Variants in ATF6 observed in about 807,000 individuals in gnomAD.
ATF6 encodes activating transcription factor 6.
ATF6 carries 53 observed loss-of-function variants against 83.6 expected under a neutral mutation model. That is an observed-to-expected ratio of 0.63 (90% CI 0.51 to 0.80). The LOEUF is 0.80. ATF6 is among the 30% of genes least tolerant of loss of function. The probability of loss-of-function intolerance (pLI) is 0.00; values close to 1 mark genes in which losing one functional copy is unlikely to be tolerated. For missense variants in ATF6, 744 were observed against 797.9 expected (o/e 0.93, Z 0.81); for synonymous variants, 288 against 285.8 (o/e 1.01, Z -0.08).
In ATF6 at chr1:161,859,195, T is replaced by A. The variant is rs529501254; in HGVS notation, c.1534-1012T>A. Among the ~76,000 whole-genome samples, 9 of 152,332 alleles carry A rather than the reference T, an allele frequency of 5.9e-5. No homozygotes were observed. The South Asian group carries it at 1.9e-3, about 32-fold the overall frequency. On this transcript the variant is annotated intron_variant, in intron 12 of 15. Coordinates refer to ENST00000367942, the MANE Select transcript of ATF6 (RefSeq NM_007348.4). ...ATATACAAGACCCACATTAGATTTT[T>A]ATAAAATGAGATCCTTGACTTGTTA...
chr1:161,833,508 A>G (rs1686128081), intron 9 of ATF6, among the ~76,000 whole-genome samples: 1 of 152,198 alleles, frequency 6.6e-6, no homozygotes, highest in African/African-American at 2.4e-5. Context: ...AAACTTTGAA[A>G]AAAAAATTAG....
At chr1:161,770,063 A>C (rs1183436334) in intron 1 of ATF6, among the ~76,000 whole-genome samples, 3 of 152,090 alleles carry the variant, frequency 2.0e-5, no homozygotes, top group Admixed American at 1.3e-4. Flanking sequence ...CCTATGCTCT[A>C]CCTATTTTTT....
At chr1:161,804,824 ATTAG>A (rs1412746685) in intron 7 of ATF6, among the ~76,000 whole-genome samples, 1 of 152,036 alleles carries the variant, frequency 6.6e-6, no homozygotes. Flanking sequence ...GACATCCTTT[ATTAG>A]TTCTCTGGTG....
chr1:161,783,783 C>T (rs1684687356), intron 3 of ATF6, among the ~76,000 whole-genome samples: 1 of 151,712 alleles, frequency 6.6e-6, no homozygotes, highest in Non-Finnish European at 1.5e-5. Flanking sequence ...TATACCCCCT[C>T]CCCACATATA....
Position 161,855,399 on chromosome 1 carries a change from A to C in ATF6, c.1533+2076A>C, listed in dbSNP as rs867208486. On this transcript the variant is annotated intron_variant, in intron 12 of 15. Coordinates refer to ENST00000367942, the MANE Select transcript of ATF6 (RefSeq NM_007348.4). The stretch of plus-strand genomic sequence containing the variant: ...ATTGGTGATACCATTTACTGAGACC[A>C]GTACTGGGGAAGGAGCAGTTAGAGG... Among the ~76,000 whole-genome samples, 3 of 152,208 alleles carry C rather than the reference A, an allele frequency of 2.0e-5. No homozygotes were observed. In the East Asian group the frequency reaches 5.8e-4, roughly 29 times the overall value.
intron 7 of ATF6, among the ~76,000 whole-genome samples, chr1:161,816,517 A>T (rs1228227691): frequency 1.3e-5 from 2 of 152,216 alleles, no homozygotes; most frequent in African/African-American, 4.8e-5. Context: ...TGTAAGTATC[A>T]CTGGACTTGG....
intron 15 of ATF6, among the ~76,000 whole-genome samples, chr1:161,944,583 C>T (rs1558035557): frequency 6.6e-6 from 1 of 152,210 alleles, no homozygotes; most frequent in Non-Finnish European, 1.5e-5. Context: ...ATTCTTTCCC[C>T]TACATTTGTG....
chr1:161,800,449 A>G (rs892639458), intron 6 of ATF6, among the ~76,000 whole-genome samples: 5 of 152,182 alleles, frequency 3.3e-5, no homozygotes, highest in Admixed American at 2.6e-4. Context: ...GTTTGGCACC[A>G]CCATCATTCC....
intron 14 of ATF6, among the ~76,000 whole-genome samples, chr1:161,900,519 A>C (rs1687762136): frequency 6.6e-6 from 1 of 152,180 alleles, no homozygotes; most frequent in African/African-American, 2.4e-5. Context: ...ACTCTACATC[A>C]TTATATTACT....
chr1:161,950,742 TACACACACCTGAAGTTC>T (rs1349769327), intron 15 of ATF6, among the ~76,000 whole-genome samples: 2 of 152,212 alleles, frequency 1.3e-5, no homozygotes, highest in Non-Finnish European at 2.9e-5. Context: ...GGCCCCTTTG[TACACACACCTGAAGTTC>T]ACTTGTTTTC....
At chr1:161,767,806 T>C (rs966541352) in intron 1 of ATF6, among the ~76,000 whole-genome samples, 9 of 152,214 alleles carry the variant, frequency 5.9e-5, no homozygotes, top group Admixed American at 5.9e-4. Flanking sequence ...TGGGTAGTTA[T>C]GATTTATTTT....
chr1:161,946,563 A>G (rs183526459), intron 15 of ATF6, among the ~76,000 whole-genome samples: 4 of 152,336 alleles, frequency 2.6e-5, no homozygotes, highest in Admixed American at 2.6e-4. Flanking sequence ...ATCTCTGGGA[A>G]TTTGGTCTCC....
At position 161,898,442 on chromosome 1, in the gene ATF6, G is replaced by A. The variant is rs543036359; in HGVS notation, c.1720-13854G>A. ...ATAGGCAGTTAGGCTTTTTCTCAAG[G>A]AGCAATATTTGAACACTCAATTAAA... On this transcript the variant is annotated intron_variant, in intron 14 of 15. Coordinates refer to ENST00000367942, the MANE Select transcript of ATF6 (RefSeq NM_007348.4). 2.0e-5 allele frequency among the ~76,000 whole-genome samples: 3 copies of A among 152,196 alleles called. No individual in the cohort carries two copies. In the East Asian group the frequency reaches 5.8e-4, roughly 29 times the overall value.
At position 161,883,468 on chromosome 1, in the gene ATF6, G is replaced by GT. The variant is rs563195535; in HGVS notation, c.1719+20161dup. On this transcript the variant is annotated intron_variant, in intron 14 of 15. Transcript: ENST00000367942. ...AACAGCAGACACCAGGTTTTCAGCT[G>GT]TTTTTAGGGTTTATTCAGATTGACT... Among the ~76,000 whole-genome samples, 189 of 152,106 alleles carry GT rather than the reference G, an allele frequency of 1.2e-3. 1 individual carries two copies. The highest frequency in any genetic ancestry group is 4.2e-3 in the African/African-American group (173 of 41,542).
chr1:161,863,189 T>G lies in ATF6; in HGVS notation c.1605-9T>G. 6.6e-7 allele frequency: 1 copy of G among 1,522,508 alleles called. No individual in the cohort carries two copies. The highest frequency in any genetic ancestry group is 9.0e-7 in the Non-Finnish European group (1 of 1,106,762). 94.3% of individuals were successfully genotyped at this position (1,522,508 alleles called of 1,614,324 possible). A position where few individuals can be genotyped will look rare whatever the true frequency, so the allele number is the denominator to read the frequency against. ...ATTTTAGTAATACCTTATATTTTTC[T>G]TACTTTAGCAGGAACTCAGGGAGTG... is the stretch of plus-strand genomic sequence containing the variant. On this transcript the variant is annotated splice_polypyrimidine_tract_variant and intron_variant, in intron 13 of 15. Coordinates refer to ENST00000367942, the MANE Select transcript of ATF6 (RefSeq NM_007348.4).
intron 13 of ATF6, among the ~76,000 whole-genome samples, chr1:161,862,790 G>A (rs564994751): frequency 8.5e-5 from 13 of 152,210 alleles, no homozygotes; most frequent in East Asian, 5.8e-4. Flanking sequence ...GCACAGCCTC[G>A]TAGGCAAGCA....
chr1:161,802,885 G>A (rs1486100884), intron 7 of ATF6, among the ~76,000 whole-genome samples: 1 of 152,128 alleles, frequency 6.6e-6, no homozygotes, highest in Non-Finnish European at 1.5e-5. Context: ...ACTCTCTAAA[G>A]CCAGTTACTG....
chr1:161,890,338 C>T (rs1267024049), intron 14 of ATF6, among the ~76,000 whole-genome samples: 2 of 152,162 alleles, frequency 1.3e-5, no homozygotes, highest in Admixed American at 6.5e-5. Context: ...TGATTTTCTA[C>T]GGAGAAAGCA....
At chr1:161,915,540 A>G (rs1688078753) in intron 15 of ATF6, among the ~76,000 whole-genome samples, 1 of 152,134 alleles carries the variant, frequency 6.6e-6, no homozygotes, top group Non-Finnish European at 1.5e-5. Flanking sequence ...ACAGTGCTCA[A>G]AGACTTTACT....
Sources: gnomAD v4.1 joint callset for allele counts (sites outside exome capture counted in the v4.1 genomes callset) on GRCh38, gnomAD v4.1.1 for gene constraint, MANE v1.5 for transcripts, NCBI Gene and HGNC (gene_info 2026-07-23, HGNC 2026-07-21) for gene names.